Variants in RNMT observed in about 807,000 individuals in gnomAD.
RNMT encodes RNA guanine-7 methyltransferase.
A neutral mutation model predicts 56.0 loss-of-function variants in RNMT; 27 were observed. The observed-to-expected ratio is 0.48, with a 90% CI of 0.36 to 0.67. The LOEUF (loss-of-function observed/expected upper bound fraction) is 0.67. Among genes scored for constraint, RNMT ranks in the 30% least tolerant of loss-of-function variants. RNMT has a pLI of 0.00. For missense variants in RNMT, 519 were observed against 552.1 expected (o/e 0.94, Z 0.60); for synonymous variants, 184 against 176.2 (o/e 1.04, Z -0.35).
chr18:13,754,502 CA>C (rs899850524), intron 11 of RNMT, among the ~76,000 whole-genome samples: 2 of 151,112 alleles, frequency 1.3e-5, no homozygotes, highest in South Asian at 4.2e-4. Flanking sequence ...GCGAGACTCT[CA>C]AAAAAAAATC....
At chr18:13,759,559 T>TTA (rs1375771063) in intron 11 of RNMT, among the ~76,000 whole-genome samples, 3 of 152,100 alleles carry the variant, frequency 2.0e-5, no homozygotes, top group Admixed American at 6.5e-5. Context: ...ATATCTTTAA[T>TTA]ATTTTTAATT....
At position 13,760,383 on chromosome 18, in the gene RNMT, A is replaced by G. The variant is rs2044604949; in HGVS notation, c.*404A>G. 1.0e-6 allele frequency: 1 copy of G among 993,550 alleles called. No homozygotes were observed. Among genetic ancestry groups the G allele is most frequent in the African/African-American group, 1.7e-5 (1 of 57,456 alleles). 61.5% of individuals were successfully genotyped at this position (993,550 alleles called of 1,614,324 possible). ...CAGAGAGCATTTTCATAGTGTGCTC[A>G]TTTCTATGGTTTTGTTATATAGCAT... On this transcript the variant is annotated 3_prime_UTR_variant, in exon 12 of 12. Coordinates refer to ENST00000383314, the MANE Select transcript of RNMT (RefSeq NM_003799.3).
At chr18:13,757,594 G>A (rs1325458333) in intron 11 of RNMT, among the ~76,000 whole-genome samples, 1 of 152,134 alleles carries the variant, frequency 6.6e-6, no homozygotes, top group Non-Finnish European at 1.5e-5. Context: ...ACATCTGCAG[G>A]CTCCACTTCT....
At position 13,742,604 on chromosome 18, in the gene RNMT, G is replaced by T. The variant is rs1380123006; in HGVS notation, c.1091G>T (p.Gly364Val). ...FGCKYDFNLE[G>V]VVDVPEFLVY... Reference sequence around the variant, plus strand: ...TGCAAATATGACTTCAACTTGGAAGGTGTTGTGGATGTTCCTGAATTCTTG... The same window carrying T: ...TGCAAATATGACTTCAACTTGGAAGTTGTTGTGGATGTTCCTGAATTCTTG... The change falls in exon 8 of 12, where the codon GGT (glycine) becomes GTT (valine). Residue 364 changes from glycine (G) to valine (V), a missense_variant. Coordinates refer to ENST00000383314, the MANE Select transcript of RNMT (RefSeq NM_003799.3). 1 of 1,613,714 alleles carries T rather than the reference G, an allele frequency of 6.2e-7. No individual in the cohort carries two copies. Among genetic ancestry groups the T allele is most frequent in the Admixed American group, 1.7e-5 (1 of 60,000 alleles).
chr18:13,728,623 A>G (rs1477219047), intron 1 of RNMT, among the ~76,000 whole-genome samples: 1 of 152,062 alleles, frequency 6.6e-6, no homozygotes, highest in Non-Finnish European at 1.5e-5. Context: ...GGTGTGAGCC[A>G]CCGTGACGGC....
At chr18:13,731,269 G>A (rs991759272) in intron 2 of RNMT, among the ~76,000 whole-genome samples, 4 of 152,266 alleles carry the variant, frequency 2.6e-5, no homozygotes, top group East Asian at 1.9e-4. Context: ...TTAGCCAGGC[G>A]TGGTGGCAGG....
intron 5 of RNMT, among the ~76,000 whole-genome samples, chr18:13,738,544 C>G (rs1263637087): frequency 6.6e-6 from 1 of 152,138 alleles, no homozygotes; most frequent in Non-Finnish European, 1.5e-5. Flanking sequence ...AATCTGAAAC[C>G]TTAGTGATGA....
chr18:13,739,187 A>G (rs1197633076), intron 5 of RNMT, among the ~76,000 whole-genome samples: 1 of 152,250 alleles, frequency 6.6e-6, no homozygotes, highest in African/African-American at 2.4e-5. Context: ...AACTCAGAAC[A>G]GTCATATCAG....
At position 13,761,401 on chromosome 18, in the gene RNMT, T is replaced by A. The variant is rs1468689965; in HGVS notation, c.*1422T>A. On this transcript the variant is annotated 3_prime_UTR_variant, in exon 12 of 12. Coordinates refer to ENST00000383314, the MANE Select transcript of RNMT (RefSeq NM_003799.3). ...GGAAAGGAAGTCTTCCTGTCACATATGCAGGTTCGTTTTCATTCTAGGGCA... is the reference window on the plus strand; with the variant it reads ...GGAAAGGAAGTCTTCCTGTCACATAAGCAGGTTCGTTTTCATTCTAGGGCA... The A allele has an allele frequency of 8.1e-6, 8 of 985,380 alleles. No individual in the cohort carries two copies. The allele number at this position is 985,380 out of a possible 1,614,324, so 61.0% of individuals were successfully genotyped here. A position where few individuals can be genotyped will look rare whatever the true frequency, so the allele number is the denominator to read the frequency against.
intron 9 of RNMT, among the ~76,000 whole-genome samples, chr18:13,749,940 C>T (rs756605969): frequency 3.3e-5 from 5 of 151,776 alleles, no homozygotes; most frequent in African/African-American, 1.2e-4. Context: ...TTGTATTTTA[C>T]GTAGAGACAG....
intron 6 of RNMT, 56 bp from the exon 7 acceptor site, chr18:13,741,454 T>C: frequency 3.1e-6 from 4 of 1,276,558 alleles, no homozygotes; most frequent in Non-Finnish European, 4.4e-6. Flanking sequence ...TACTAAAAAG[T>C]TTTTAATCTT....
In RNMT at chr18:13,740,183, T is replaced by C. The variant is rs2044230016; in HGVS notation, c.696T>C (p.Ser232=). The C allele has an allele frequency of 1.2e-6, 2 of 1,609,476 alleles. No homozygotes were observed. The highest frequency in any genetic ancestry group is 1.7e-6 in the Non-Finnish European group (2 of 1,176,056). ...KLVCTDIADV[S]VKQCQQRYED... ...TCCTTCCAGATATTGCCGATGTTTC[T>C]GTCAAACAGTGTCAGCAGCGGTATG... Residue 232 remains serine, a synonymous_variant, in exon 6 of 12, where the codon TCT becomes TCC. Transcript: ENST00000383314.
intron 4 of RNMT, among the ~76,000 whole-genome samples, chr18:13,734,821 T>G (rs1486416990): frequency 6.6e-6 from 1 of 152,248 alleles, no homozygotes. Context: ...GGTTACCTAG[T>G]ACTATTAAGT....
At chr18:13,750,831 C>A (rs915265757) in intron 9 of RNMT, among the ~76,000 whole-genome samples, 2 of 152,056 alleles carry the variant, frequency 1.3e-5, no homozygotes, top group African/African-American at 2.4e-5. Context: ...TACATCTGAT[C>A]TTTGACAAAC....
At chr18:13,744,334 T>C (rs926678610) in intron 8 of RNMT, among the ~76,000 whole-genome samples, 1 of 151,974 alleles carries the variant, frequency 6.6e-6, no homozygotes, top group Non-Finnish European at 1.5e-5. Context: ...CATTAAGAAA[T>C]TTAACAGAAA....
Position 13,752,410 on chromosome 18 carries a change from CAAGT to C in RNMT, c.1346_1349del (p.Val449GlyfsTer7). The C allele has an allele frequency of 6.2e-7, 1 of 1,606,784 alleles. No individual in the cohort carries two copies. Among genetic ancestry groups the C allele is most frequent in the Non-Finnish European group, 8.5e-7 (1 of 1,173,880 alleles). ...TGCAGCAAAGTACATGAAGAACAGT[CAAGT>C]AAGGTTACCTTTGGTAAGTTTTAAT... is the stretch of plus-strand genomic sequence containing the variant. On this transcript the variant is annotated frameshift_variant, in exon 10 of 12. Coordinates refer to ENST00000383314, the MANE Select transcript of RNMT (RefSeq NM_003799.3). LOFTEE classifies it high-confidence loss of function.
rs2044067170 is a variant in RNMT at position 13,731,481 on chromosome 18, G to A, written c.-37G>A. On this transcript the variant is annotated 5_prime_UTR_variant, in exon 3 of 12. Coordinates refer to ENST00000383314, the MANE Select transcript of RNMT (RefSeq NM_003799.3). ...CAATTTTTTTCCTATTCTAGTGTTG[G>A]TTCATGAAGTTTTACCATCAATTCA... is the stretch of plus-strand genomic sequence containing the variant. The A allele has an allele frequency of 1.3e-6, 2 of 1,518,878 alleles. No individual in the cohort carries two copies. The highest frequency in any genetic ancestry group is 2.3e-5 in the East Asian group (1 of 44,254). 94.1% of individuals were successfully genotyped at this position (1,518,878 alleles called of 1,614,324 possible).
At position 13,763,261 on chromosome 18, in the gene RNMT, C is replaced by T. The variant is rs1019451504; in HGVS notation, c.*3282C>T. The T allele has an allele frequency of 4.9e-6, 2 of 410,714 alleles. No homozygotes were observed. Among genetic ancestry groups the T allele is most frequent in the African/African-American group, 4.1e-5 (2 of 49,022 alleles). 25.4% of individuals were successfully genotyped at this position (410,714 alleles called of 1,614,324 possible). On this transcript the variant is annotated 3_prime_UTR_variant, in exon 12 of 12. Transcript: ENST00000383314. The stretch of plus-strand genomic sequence containing the variant: ...TCTTTGAAGGCAACCAGTGCAAAGG[C>T]TACTACACTTGTGTAATGATATTTA...
rs1381460060 is a variant in RNMT at position 13,761,306 on chromosome 18, A to G, written c.*1327A>G. On this transcript the variant is annotated 3_prime_UTR_variant, in exon 12 of 12. Transcript: ENST00000383314. Reference sequence around the variant, plus strand: ...TTTGCCTTAAGTCATTTTGGAAATAAGTAATACTGCATCTGACTCTGGTGG... The same window carrying G: ...TTTGCCTTAAGTCATTTTGGAAATAGGTAATACTGCATCTGACTCTGGTGG... The G allele has an allele frequency of 1.0e-6, 1 of 985,350 alleles. No individual in the cohort carries two copies. The highest frequency in any genetic ancestry group is 1.7e-5 in the African/African-American group (1 of 57,250). The allele number at this position is 985,350 out of a possible 1,614,324, so 61.0% of individuals were successfully genotyped here.
Sources: allele counts gnomAD v4.1 joint callset (sites outside exome capture counted in the v4.1 genomes callset), GRCh38; gene constraint gnomAD v4.1.1; transcripts MANE v1.5; gene names NCBI Gene and HGNC (gene_info 2026-07-23, HGNC 2026-07-21).